The following RASAL2 variants were observed in gnomAD, a reference collection of about 807,000 sequenced individuals.
The protein encoded by RASAL2 is ras GTPase-activating protein nGAP.
A neutral mutation model predicts 128.9 loss-of-function variants in RASAL2; 58 were observed. The observed-to-expected ratio is 0.45, with a 90% confidence interval of 0.36 to 0.56. RASAL2 has a LOEUF of 0.56. Among genes scored for constraint, RASAL2 ranks in the 20% least tolerant of loss-of-function variants. The probability of loss-of-function intolerance (pLI) is 0.00; values close to 1 mark genes in which losing one functional copy is unlikely to be tolerated. For missense variants in RASAL2, 1,360 were observed against 1,601.6 expected, an observed-to-expected ratio of 0.85 and a Z score of 2.57; for synonymous variants, 561 against 580.8, an observed-to-expected ratio of 0.97 and a Z score of 0.49.
intron 12 of RASAL2, among the ~76,000 whole-genome samples, chr1:178,455,388 G>T: frequency 6.6e-6 from 1 of 152,096 alleles, no homozygotes; most frequent in East Asian, 1.9e-4. Context: ...GTGGTGGTAT[G>T]TTAGAATAAC....
In RASAL2 at chr1:178,478,791, C is replaced by G. The variant is rs1648851279; in HGVS notation, c.*5552C>G. 6.6e-6 allele frequency: 1 copy of G among 152,084 alleles called. No homozygotes were observed. Among genetic ancestry groups the G allele is most frequent in the Non-Finnish European group, 1.5e-5 (1 of 68,000 alleles). The allele number at this position is 152,084 out of a possible 1,614,324, so 9.4% of individuals were successfully genotyped here. ...TCTTGTACATGTACAGATATAGATA[C>G]GTTTGAGGTCTTTTATTGATATTCC... On this transcript the variant is annotated 3_prime_UTR_variant, in exon 18 of 18. Transcript: ENST00000367649.
At chr1:178,405,690 A>G (rs1178033169) in intron 4 of RASAL2, among the ~76,000 whole-genome samples, 3 of 152,224 alleles carry the variant, frequency 2.0e-5, no homozygotes, top group African/African-American at 7.2e-5. Context: ...TTTTAGCCAG[A>G]TGAGACCTGT....
At chr1:178,219,829 G>T (rs567600638) in intron 1 of RASAL2, among the ~76,000 whole-genome samples, 1 of 152,054 alleles carries the variant, frequency 6.6e-6, no homozygotes, top group Non-Finnish European at 1.5e-5. Flanking sequence ...CCATTGTAGG[G>T]TGATATGGTT....
chr1:178,365,987 A>T (rs559302177), intron 3 of RASAL2, among the ~76,000 whole-genome samples: 2 of 152,164 alleles, frequency 1.3e-5, no homozygotes, highest in Non-Finnish European at 2.9e-5. Context: ...ATGCCTTTTT[A>T]TGATATTGAA....
At position 178,478,100 on chromosome 1, in the gene RASAL2, T is replaced by G. The variant is rs1246027784; in HGVS notation, c.*4861T>G. 6.6e-6 allele frequency: 1 copy of G among 152,102 alleles called. No homozygotes were observed. The allele number at this position is 152,102 out of a possible 1,614,324, so 9.4% of individuals were successfully genotyped here. Reference sequence around the variant, plus strand: ...TTCAGCATGCATTTTCCTTTCCTACTCAGTTGCTATCTTCCACTTAAATAC... The same window carrying G: ...TTCAGCATGCATTTTCCTTTCCTACGCAGTTGCTATCTTCCACTTAAATAC... On this transcript the variant is annotated 3_prime_UTR_variant, in exon 18 of 18. Coordinates refer to ENST00000367649, the MANE Select transcript of RASAL2 (RefSeq NM_170692.4).
At chr1:178,280,374 A>C (rs894156190) in intron 1 of RASAL2, among the ~76,000 whole-genome samples, 1 of 152,116 alleles carries the variant, frequency 6.6e-6, no homozygotes, top group Admixed American at 6.5e-5. Flanking sequence ...GAAAACAGTT[A>C]CATTTCATTA....
chr1:178,464,835 T>G (rs956109139), intron 15 of RASAL2, among the ~76,000 whole-genome samples: 1 of 117,412 alleles, frequency 8.5e-6, no homozygotes, highest in African/African-American at 3.1e-5. Flanking sequence ...TTAGTTGTTT[T>G]TTTTTTTTTT....
chr1:178,436,350 A>G (rs1676252823), intron 5 of RASAL2, among the ~76,000 whole-genome samples: 1 of 152,110 alleles, frequency 6.6e-6, no homozygotes, highest in African/African-American at 2.4e-5. Context: ...TGAACTATGT[A>G]TTAATTAAAA....
intron 1 of RASAL2, among the ~76,000 whole-genome samples, chr1:178,228,575 C>T (rs554588223): frequency 1.8e-4 from 27 of 152,048 alleles, no homozygotes; most frequent in East Asian, 1.7e-3. Context: ...GACTCCGTCC[C>T]GGGGAAACGA....
At chr1:178,351,507 G>A (rs552131276) in intron 3 of RASAL2, among the ~76,000 whole-genome samples, 99 of 152,176 alleles carry the variant, frequency 6.5e-4, no homozygotes, top group South Asian at 3.1e-3. Flanking sequence ...CAAGGTGGGC[G>A]GATCACGAGG....
chr1:178,374,935 C>A (rs2102535531), intron 3 of RASAL2, among the ~76,000 whole-genome samples: 1 of 152,214 alleles, frequency 6.6e-6, no homozygotes, highest in Admixed American at 6.5e-5. Context: ...TAAGAAAAAG[C>A]TGCTTGTGAG....
intron 1 of RASAL2, among the ~76,000 whole-genome samples, chr1:178,196,578 T>C (rs1324308193): frequency 1.3e-5 from 2 of 152,212 alleles, no homozygotes; most frequent in Admixed American, 6.5e-5. Context: ...TGAAGTGATA[T>C]AAAAGCGTTG....
intron 5 of RASAL2, among the ~76,000 whole-genome samples, chr1:178,428,473 C>CTTTTTTTTTT (rs1557981640): frequency 6.6e-6 from 1 of 151,374 alleles, no homozygotes; most frequent in African/African-American, 2.4e-5. Flanking sequence ...ATGATTTTAG[C>CTTTTTTTTTT]TTTTATATAT....
intron 15 of RASAL2, among the ~76,000 whole-genome samples, chr1:178,464,828 G>GTTTTTTTTTTTTTTTTTTTT (rs1647484895): frequency 2.9e-5 from 1 of 34,442 alleles, no homozygotes; most frequent in Admixed American, 2.3e-4. Context: ...TTTGGTTTTA[G>GTTTTTTTTTTTTTTTTTTTT]TTGTTTTTTT....
At chr1:178,231,654 T>C (rs1664013803) in intron 1 of RASAL2, among the ~76,000 whole-genome samples, 1 of 152,176 alleles carries the variant, frequency 6.6e-6, no homozygotes, top group South Asian at 2.1e-4. Flanking sequence ...TTACAAGCTT[T>C]ATAATTTTAT....
chr1:178,453,426 G>C (rs1169467481), intron 11 of RASAL2, among the ~76,000 whole-genome samples: 1 of 151,854 alleles, frequency 6.6e-6, no homozygotes, highest in African/African-American at 2.4e-5. Context: ...TCTAGAAAGA[G>C]AGGGTGTGAA....
intron 3 of RASAL2, among the ~76,000 whole-genome samples, chr1:178,319,587 G>A (rs941683284): frequency 4.1e-4 from 60 of 146,166 alleles, no homozygotes; most frequent in Admixed American, 6.7e-4. Flanking sequence ...TGATCGTATC[G>A]GCTCCTGAGG....
At chr1:178,341,838 A>T (rs775341689) in intron 3 of RASAL2, among the ~76,000 whole-genome samples, 2 of 152,230 alleles carry the variant, frequency 1.3e-5, no homozygotes, top group Non-Finnish European at 2.9e-5. Context: ...AAACTCAGAT[A>T]AATTAAAAGA....
At chr1:178,302,289 A>AGCAAGATAGGATGAATAT (rs1288011389) in intron 3 of RASAL2, among the ~76,000 whole-genome samples, 83 of 152,322 alleles carry the variant, frequency 5.4e-4, no homozygotes, top group Non-Finnish European at 6.2e-4. Context: ...TTATGTAGTT[A>AGCAAGATAGGATGAATAT]GCAAGATAGG....
Sources: gnomAD v4.1 joint callset for allele counts (sites outside exome capture counted in the v4.1 genomes callset) on GRCh38, gnomAD v4.1.1 for gene constraint, MANE v1.5 for transcripts, NCBI Gene and HGNC (gene_info 2026-07-23, HGNC 2026-07-21) for gene names.